The following CHD9 variants were observed in gnomAD, a reference collection of about 807,000 sequenced individuals.
CHD9 encodes the protein chromodomain helicase DNA binding protein 9, also known as ATP-dependent chromatin remodeler CHD9.
CHD9 carries 77 observed loss-of-function variants against 316.1 expected under a neutral mutation model. The ratio of observed to expected loss-of-function variants is 0.24; its 90% CI spans 0.20 to 0.29. CHD9 has a LOEUF of 0.29. Among genes scored for constraint, CHD9 ranks in the 10% least tolerant of loss-of-function variants. The pLI is 1.00. For synonymous variants in CHD9, 1,129 were observed against 1,158.3 expected (o/e 0.97, Z 0.51); for missense variants, 2,763 against 3,438.1 (o/e 0.80, Z 4.91).
chr16:53,058,838 TG>T (rs2032501331), intron 1 of CHD9, among the ~76,000 whole-genome samples: 2 of 151,934 alleles, frequency 1.3e-5, no homozygotes, highest in Non-Finnish European at 2.9e-5. Flanking sequence ...TGTTTTGTTT[TG>T]TTTTGTTGGT....
At chr16:53,068,992 CTTTTATTTTA>C (rs375220700) in intron 1 of CHD9, among the ~76,000 whole-genome samples, 14 of 151,948 alleles carry the variant, frequency 9.2e-5, no homozygotes, top group South Asian at 4.2e-4. Context: ...GCATTTTCTT[CTTTTATTTTA>C]TTTTATTTTA....
intron 30 of CHD9, among the ~76,000 whole-genome samples, chr16:53,302,289 C>T (rs2055515161): frequency 6.6e-6 from 1 of 152,110 alleles, no homozygotes; most frequent in Non-Finnish European, 1.5e-5. Flanking sequence ...TCTTTAATGA[C>T]TTTGATACCT....
intron 4 of CHD9, among the ~76,000 whole-genome samples, chr16:53,223,107 T>A (rs1277861137): frequency 6.6e-6 from 1 of 152,182 alleles, no homozygotes; most frequent in African/African-American, 2.4e-5. Flanking sequence ...GACATAGTAA[T>A]TTTTTAAATC....
intron 10 of CHD9, among the ~76,000 whole-genome samples, chr16:53,234,813 TA>T (rs60183034): frequency 0.32 from 46,732 of 147,862 alleles, 7,351 homozygotes; most frequent in Middle Eastern, 0.39. Flanking sequence ...CATTCCTGGT[TA>T]AAAAAAAAAA....
chr16:53,217,312 G>T (rs2046841845), intron 3 of CHD9, among the ~76,000 whole-genome samples: 1 of 152,244 alleles, frequency 6.6e-6, no homozygotes, highest in African/African-American at 2.4e-5. Context: ...GAGTACAGTG[G>T]TGCAGATCTT....
In CHD9 at chr16:53,254,394, C is replaced by A. The variant is rs540564078; in HGVS notation, c.3862-44C>A. The stretch of plus-strand genomic sequence containing the variant: ...CATACATATAGTTTACTATTAAATG[C>A]CTTTTGAGAAACTAATTAAATATGT... On this transcript the variant is annotated intron_variant, in intron 17 of 38. Transcript: ENST00000447540. 156 of 1,422,962 alleles carry A rather than the reference C, an allele frequency of 1.1e-4. 5 individuals carry two copies. The South Asian group carries it at 2.4e-3, about 22-fold the overall frequency. 88.1% of individuals were successfully genotyped at this position (1,422,962 alleles called of 1,614,324 possible).
At chr16:53,100,523 A>G (rs2036773264) in intron 1 of CHD9, among the ~76,000 whole-genome samples, 2 of 149,478 alleles carry the variant, frequency 1.3e-5, no homozygotes, top group South Asian at 4.2e-4. Context: ...AAAGTGGCTG[A>G]TCATAGCTCA....
At chr16:53,138,921 G>A (rs2039903136) in intron 1 of CHD9, among the ~76,000 whole-genome samples, 1 of 152,194 alleles carries the variant, frequency 6.6e-6, no homozygotes, top group African/African-American at 2.4e-5. Context: ...AGGTAGGGAA[G>A]ATTGGTCTGC....
intron 37 of CHD9, among the ~76,000 whole-genome samples, chr16:53,320,554 A>C (rs952279513): frequency 6.6e-6 from 1 of 152,106 alleles, no homozygotes; most frequent in African/African-American, 2.4e-5. Flanking sequence ...AGGTAATATA[A>C]CTGATCATAT....
At chr16:53,298,733 C>T (rs1329830539) in intron 30 of CHD9, 3 of 153,198 alleles carry the variant, frequency 2.0e-5, no homozygotes, top group Admixed American at 1.3e-4. Context: ...GTTTGGTGAA[C>T]CCTTTCTGTC....
rs775127022 is a variant in CHD9, at chr16:53,314,383, C to G, written c.7229C>G (p.Ser2410Cys). The G allele has an allele frequency of 4.5e-6, 7 of 1,564,198 alleles. No homozygotes were observed. The East Asian group carries it at 1.6e-4, about 36-fold the overall frequency. Residue 2410 changes from serine to cysteine, a missense_variant, in exon 35 of 39, where the codon TCC (serine) becomes TGC (cysteine). Around this residue, in one of 15 missense-constraint regions of CHD9, gnomAD observed 663 missense variants for 751.2 expected, o/e 0.88. Coordinates refer to ENST00000447540, the MANE Select transcript of CHD9 (RefSeq NM_001308319.2). ...FPKSIPVSGT[S>C]IQPTLGANGV... ...GCATTTTTAATTCAATTAGGTACTT[C>G]CATTCAACCAACCCTTGGTGCCAAT...
intron 24 of CHD9, among the ~76,000 whole-genome samples, chr16:53,284,810 G>C (rs1043114674): frequency 1.3e-5 from 2 of 152,016 alleles, no homozygotes; most frequent in Non-Finnish European, 2.9e-5. Context: ...CCGCGGCCTG[G>C]GTTGGAGTGC....
chr16:53,191,547 G>A (rs1396046308), intron 2 of CHD9, among the ~76,000 whole-genome samples: 1 of 152,002 alleles, frequency 6.6e-6, no homozygotes, highest in Non-Finnish European at 1.5e-5. Flanking sequence ...TTTTGAGTCT[G>A]GTTTCTTTTA....
chr16:53,077,230 C>T (rs1410043174), intron 1 of CHD9, among the ~76,000 whole-genome samples: 2 of 152,030 alleles, frequency 1.3e-5, no homozygotes, highest in African/African-American at 2.4e-5. Flanking sequence ...TCAGGTGATC[C>T]GCCTGCCTTG....
At chr16:53,114,157 T>C (rs1027204483) in intron 1 of CHD9, among the ~76,000 whole-genome samples, 4 of 152,058 alleles carry the variant, frequency 2.6e-5, no homozygotes, top group African/African-American at 9.7e-5. Context: ...CAAAAACATA[T>C]GAACAAGCAT....
intron 1 of CHD9, among the ~76,000 whole-genome samples, chr16:53,126,678 T>G (rs1296175557): frequency 6.6e-6 from 1 of 151,660 alleles, no homozygotes; most frequent in Non-Finnish European, 1.5e-5. Flanking sequence ...TCTTTCGTTC[T>G]TTCTTTCCTT....
chr16:53,222,920 A>T (rs537298807), intron 4 of CHD9, among the ~76,000 whole-genome samples, 165 bp downstream of exon 4: 3 of 152,238 alleles, frequency 2.0e-5, no homozygotes, highest in Non-Finnish European at 4.4e-5. Flanking sequence ...TAATATTACC[A>T]TAGAATATTA....
In CHD9 at chr16:53,209,520, T is replaced by C. The variant is rs1486977777; in HGVS notation, c.1491T>C (p.Tyr497=). 15 of 1,613,618 alleles carry C rather than the reference T, an allele frequency of 9.3e-6. No homozygotes were observed. The East Asian group carries it at 1.1e-4, about 12-fold the overall frequency. ...AGAAGAGCGATGGTTCTGGGACATATACTAAGTTGCAGAATACCCAGGTGA... is the reference window on the plus strand; with the variant it reads ...AGAAGAGCGATGGTTCTGGGACATACACTAAGTTGCAGAATACCCAGGTGA... ...SSKKSDGSGT[Y]TKLQNTQVRV... The change falls in exon 3 of 39, where the codon TAT becomes TAC. Residue 497 remains tyrosine (Y), a synonymous_variant. Coordinates refer to ENST00000447540, the MANE Select transcript of CHD9 (RefSeq NM_001308319.2).
At position 53,324,881 on chromosome 16, in the gene CHD9, AGTAAT is replaced by A. The variant is rs753214714; in HGVS notation, c.8682_8686del (p.Ser2894ArgfsTer10). The A allele has an allele frequency of 6.3e-7, 1 of 1,591,720 alleles. No individual in the cohort carries two copies. Among genetic ancestry groups the A allele is most frequent in the Non-Finnish European group, 8.5e-7 (1 of 1,171,460 alleles). The stretch of plus-strand genomic sequence containing the variant: ...GTCGTCATCTGAGGATTCAGATTCT[AGTAAT>A]GAAGACTGATTCCCAGACTCTGCAC... On this transcript the variant is annotated frameshift_variant, in exon 39 of 39. Coordinates refer to ENST00000447540, the MANE Select transcript of CHD9 (RefSeq NM_001308319.2). LOFTEE classifies it high-confidence loss of function.
Sources: gnomAD v4.1 joint callset for allele counts (sites outside exome capture counted in the v4.1 genomes callset) on GRCh38, gnomAD v4.1.1 for gene constraint, gnomAD v4.1.1 regional missense constraint, MANE v1.5 for transcripts, NCBI Gene and HGNC (gene_info 2026-07-23, HGNC 2026-07-21) for gene names.